The following HDAC9 variants were observed in gnomAD, a reference collection of about 807,000 sequenced individuals.
The protein encoded by HDAC9 is MEF-2 interacting transcription repressor (MITR) protein.
HDAC9 carries 41 observed loss-of-function variants against 139.4 expected under a neutral mutation model. The ratio of observed to expected loss-of-function variants is 0.29; its 90% CI spans 0.23 to 0.38. The LOEUF is 0.38. HDAC9 is among the 10% of genes least tolerant of loss of function. The pLI is 1.00. For synonymous variants in HDAC9, 517 were observed against 476.2 expected (o/e 1.09, Z -1.12); for missense variants, 1,147 against 1,297.0 (o/e 0.88, Z 1.78).
intron 1 of HDAC9, among the ~76,000 whole-genome samples, chr7:18,405,832 A>G (rs1476165231): frequency 6.6e-6 from 1 of 152,236 alleles, no homozygotes; most frequent in African/African-American, 2.4e-5. Context: ...AACCTGTAGC[A>G]TAAAAACAAT....
chr7:18,732,575 A>ATG, intron 13 of HDAC9, among the ~76,000 whole-genome samples: 1 of 75,410 alleles, frequency 1.3e-5, no homozygotes, highest in Non-Finnish European at 2.4e-5. Flanking sequence ...ATATATGTGC[A>ATG]TGTGTATATA....
intron 13 of HDAC9, among the ~76,000 whole-genome samples, chr7:18,744,654 T>A (rs998045595): frequency 6.6e-6 from 1 of 152,168 alleles, no homozygotes; most frequent in African/African-American, 2.4e-5. Flanking sequence ...TAATAGGTCT[T>A]ACTAGACTGA....
At chr7:18,384,197 G>T (rs1312268194) in intron 1 of HDAC9, among the ~76,000 whole-genome samples, 2 of 152,040 alleles carry the variant, frequency 1.3e-5, no homozygotes, top group South Asian at 4.2e-4. Flanking sequence ...TGTGGTCCCA[G>T]GTACTTGGGA....
At chr7:18,397,296 G>C (rs1562950688) in intron 1 of HDAC9, among the ~76,000 whole-genome samples, 1 of 152,100 alleles carries the variant, frequency 6.6e-6, no homozygotes, top group East Asian at 1.9e-4. Context: ...AGTTACCTAA[G>C]AACTTTGTTG....
At chr7:18,608,787 G>T (rs76492758) in intron 6 of HDAC9, among the ~76,000 whole-genome samples, 6,275 of 152,194 alleles carry the variant, frequency 0.041, 150 homozygotes, top group Middle Eastern at 0.078. Context: ...AGTAAAAAAG[G>T]ATTTCTGACA....
intron 16 of HDAC9, among the ~76,000 whole-genome samples, chr7:18,783,162 C>G (rs1791398950): frequency 6.6e-6 from 1 of 152,086 alleles, no homozygotes. Context: ...GTCATTCTCT[C>G]TTGGTACAAT....
chr7:18,825,569 G>A (rs1238329149), intron 17 of HDAC9, among the ~76,000 whole-genome samples: 1 of 151,912 alleles, frequency 6.6e-6, no homozygotes, highest in Non-Finnish European at 1.5e-5. Flanking sequence ...ATTAGAGGTT[G>A]ATAACTGAAG....
intron 1 of HDAC9, among the ~76,000 whole-genome samples, chr7:18,345,588 A>C (rs980558995): frequency 6.7e-6 from 1 of 148,242 alleles, no homozygotes; most frequent in African/African-American, 2.5e-5. Flanking sequence ...AAAAAAAAAA[A>C]CTACAAAATT....
chr7:18,276,937 T>A (rs1796761955), intron 2 of HDAC9, among the ~76,000 whole-genome samples: 2 of 152,184 alleles, frequency 1.3e-5, no homozygotes, highest in South Asian at 4.1e-4. Flanking sequence ...TCCTTATCAT[T>A]TTTTCTATAC....
At chr7:18,162,619 T>A in intron 2 of HDAC9, 1 of 462,872 alleles carries the variant, frequency 2.2e-6, no homozygotes, top group Non-Finnish European at 3.9e-6. Flanking sequence ...CAGATTGAAC[T>A]TTATGAAGTT....
chr7:18,765,445 C>A (rs1180573259), intron 15 of HDAC9, among the ~76,000 whole-genome samples: 1 of 151,950 alleles, frequency 6.6e-6, no homozygotes, highest in Non-Finnish European at 1.5e-5. Context: ...CATGGTGAAA[C>A]CCCGTCTCTA....
At chr7:18,912,156 T>C (rs2129289820) in intron 22 of HDAC9, among the ~76,000 whole-genome samples, 1 of 152,178 alleles carries the variant, frequency 6.6e-6, no homozygotes, top group South Asian at 2.1e-4. Flanking sequence ...GCTTTACGTA[T>C]CTGGGTGCTC....
chr7:18,195,760 T>G lies in HDAC9; in HGVS notation c.25+33411T>G, dbSNP rs190565238. Among the ~76,000 whole-genome samples, 433 of 152,280 alleles carry G rather than the reference T, an allele frequency of 2.8e-3. 2 individuals are homozygous for G. Among genetic ancestry groups the G allele is most frequent in the Admixed American group, 7.3e-3 (111 of 15,278 alleles). Reference sequence around the variant, plus strand: ...TTTTTGATGAATTTAATCCTCTTTTTTGCAGCCATATCGTATATGGGCTCT... The same window carrying G: ...TTTTTGATGAATTTAATCCTCTTTTGTGCAGCCATATCGTATATGGGCTCT... On this transcript the variant is annotated intron_variant, in intron 2 of 12. Transcript: ENST00000417496.
chr7:18,494,785 TG>T (rs1796657789), upstream of HDAC9, among the ~76,000 whole-genome samples: 1 of 151,924 alleles, frequency 6.6e-6, no homozygotes, highest in Non-Finnish European at 1.5e-5. Context: ...CAGTCATAGT[TG>T]GGTACTAACC....
At chr7:18,169,142 G>C (rs1299753147) in intron 2 of HDAC9, among the ~76,000 whole-genome samples, 1 of 151,984 alleles carries the variant, frequency 6.6e-6, no homozygotes, top group African/African-American at 2.4e-5. Context: ...TCACCATGTT[G>C]CTCAGGCTGG....
At chr7:18,815,453 A>G (rs1323575598) in intron 17 of HDAC9, among the ~76,000 whole-genome samples, 1 of 152,206 alleles carries the variant, frequency 6.6e-6, no homozygotes, top group Non-Finnish European at 1.5e-5. Context: ...CTTTCTTCAT[A>G]GTGGATCCAT....
In HDAC9 at chr7:18,810,593, C is replaced by G. The variant is rs183553183; in HGVS notation, c.2322+17141C>G. 2.6e-5 allele frequency among the ~76,000 whole-genome samples: 4 copies of G among 151,948 alleles called. No homozygotes were observed. In the South Asian group the frequency reaches 6.2e-4, roughly 24 times the overall value. On this transcript the variant is annotated intron_variant, in intron 17 of 25. Coordinates refer to ENST00000686413, the MANE Select transcript of HDAC9 (RefSeq NM_178425.4). ...GATTTTCATAAAACACACATAATGT[C>G]TTTTGACAAATGTCTATACCTGACT...
chr7:18,893,033 GAAAA>G (rs71960483), intron 22 of HDAC9, among the ~76,000 whole-genome samples: 9 of 66,888 alleles, frequency 1.3e-4, no homozygotes, highest in East Asian at 1.0e-3. Flanking sequence ...GTAATAGGCC[GAAAA>G]AAAAAAAAAA....
At chr7:18,866,582 C>T (rs1464274034) in intron 21 of HDAC9, among the ~76,000 whole-genome samples, 2 of 152,186 alleles carry the variant, frequency 1.3e-5, no homozygotes, top group Non-Finnish European at 2.9e-5. Flanking sequence ...AACATATTTG[C>T]ATTTTTGAAT....
Sources: allele counts gnomAD v4.1 joint callset (sites outside exome capture counted in the v4.1 genomes callset), GRCh38; gene constraint gnomAD v4.1.1; transcripts MANE v1.5; gene names NCBI Gene and HGNC (gene_info 2026-07-23, HGNC 2026-07-21).